GGCT: variants seen among roughly 807,000 people sequenced by gnomAD.
The protein encoded by GGCT is cytochrome c-releasing factor 21.
GGCT carries 20 observed loss-of-function variants against 22.1 expected under a neutral mutation model. The ratio of observed to expected loss-of-function variants is 0.91; its 90% CI spans 0.64 to 1.32. The LOEUF is 1.32. Among genes scored for constraint, GGCT ranks in the 40% most tolerant of loss-of-function variants. The probability of loss-of-function intolerance (pLI) is 0.00; values close to 1 mark genes in which losing one functional copy is unlikely to be tolerated. For missense variants in GGCT, 209 were observed against 223.5 expected (o/e 0.94, Z 0.41); for synonymous variants, 72 against 78.4 (o/e 0.92, Z 0.43).
In GGCT at chr7:30,500,720, T is replaced by C. The variant is rs116174507; in HGVS notation, c.142-39A>G. The C allele has an allele frequency of 7.0e-4, 1,090 of 1,564,690 alleles. 5 individuals carry two copies. In the African/African-American group the frequency reaches 0.013, roughly 18 times the overall value. ...CAAAGTGATATGATCAATATCCACT[T>C]GAATCCAAATTTCCCTCATCAAAAT... is the stretch of plus-strand genomic sequence containing the variant. On this transcript the variant is annotated intron_variant, in intron 1 of 3. Coordinates refer to ENST00000275428, the MANE Select transcript of GGCT (RefSeq NM_024051.4).
chr7:30,498,026 T>TATATACAC (rs68111355), intron 3 of GGCT: 1 of 219,398 alleles, frequency 4.6e-6, no homozygotes, highest in African/African-American at 2.3e-5. Context: ...TATATATAGA[T>TATATACAC]ACACACACAC....
chr7:30,504,516 C>G (rs918768857), intron 1 of GGCT, 53 bp downstream of exon 1: 3 of 1,602,338 alleles, frequency 1.9e-6, no homozygotes, highest in Non-Finnish European at 1.7e-6. Flanking sequence ...CCCGAGGAAG[C>G]GCCTTCTGGG....
chr7:30,500,883 T>G (rs1260160951), intron 1 of GGCT, among the ~76,000 whole-genome samples: 1 of 152,238 alleles, frequency 6.6e-6, no homozygotes, highest in African/African-American at 2.4e-5. Flanking sequence ...TAAATATTTT[T>G]CTTTAAAAAT....
At position 30,496,887 on chromosome 7, in the gene GGCT, C is replaced by A; in HGVS notation, c.*205G>T. The A allele has an allele frequency of 2.7e-6, 1 of 366,758 alleles. No individual in the cohort carries two copies. The highest frequency in any genetic ancestry group is 8.0e-5 in the South Asian group (1 of 12,476). The allele number at this position is 366,758 out of a possible 1,614,324, so 22.7% of individuals were successfully genotyped here. A position where few individuals can be genotyped will look rare whatever the true frequency, so the allele number is the denominator to read the frequency against. ...ACATTCATTTGTCACATATTTCAGG[C>A]CCTCATACACCCCTTTTAAATTGTC... On this transcript the variant is annotated 3_prime_UTR_variant, in exon 4 of 4. Coordinates refer to ENST00000275428, the MANE Select transcript of GGCT (RefSeq NM_024051.4).
chr7:30,497,574 TAC>T, intron 3 of GGCT: 2 of 412,108 alleles, frequency 4.9e-6, no homozygotes, highest in Non-Finnish European at 8.4e-6. Flanking sequence ...ATTTAAAGTT[TAC>T]AGAGAGCAGT....
At chr7:30,503,692 G>A (rs1224749129) in intron 1 of GGCT, among the ~76,000 whole-genome samples, 1 of 151,452 alleles carries the variant, frequency 6.6e-6, no homozygotes, top group Non-Finnish European at 1.5e-5. Flanking sequence ...CAGTTGCTGT[G>A]CCTCCCTTTA....
intron 1 of GGCT, among the ~76,000 whole-genome samples, chr7:30,504,024 G>C (rs914850387): frequency 5.3e-5 from 8 of 152,066 alleles, no homozygotes; most frequent in Middle Eastern, 3.2e-3. Flanking sequence ...TGAATGAATG[G>C]ACTGGGCTGA....
At chr7:30,500,437 G>A (rs913746362) in intron 2 of GGCT, 99 bp downstream of exon 2, 1 of 864,840 alleles carries the variant, frequency 1.2e-6, no homozygotes, top group African/African-American at 1.7e-5. Context: ...TATGTCTGTA[G>A]TATGTGGTTT....
intron 1 of GGCT, among the ~76,000 whole-genome samples, 187 bp from the exon 2 acceptor site, chr7:30,500,868 T>G (rs1789686540): frequency 6.6e-6 from 1 of 152,244 alleles, no homozygotes; most frequent in African/African-American, 2.4e-5. Flanking sequence ...AAGGATTACG[T>G]TTTTTAAATA....
Position 30,504,741 on chromosome 7 carries a change from G to C in GGCT, c.-32C>G, listed in dbSNP as rs374064472. 1.9e-6 allele frequency: 3 copies of C among 1,612,004 alleles called. No individual in the cohort carries two copies. In the African/African-American group the frequency reaches 4.0e-5, roughly 22 times the overall value. On this transcript the variant is annotated 5_prime_UTR_variant, in exon 1 of 4. Coordinates refer to ENST00000275428, the MANE Select transcript of GGCT (RefSeq NM_024051.4). ...CTACGCCCCTGCACTGGAGCCTGAA[G>C]CAGAGTGTAAGGAACGGCCAGAGAG...
At chr7:30,500,982 T>C (rs1789688633) in intron 1 of GGCT, among the ~76,000 whole-genome samples, 1 of 152,212 alleles carries the variant, frequency 6.6e-6, no homozygotes, top group Non-Finnish European at 1.5e-5. Context: ...CTGAACACAA[T>C]TGTTTTCATT....
intron 1 of GGCT, among the ~76,000 whole-genome samples, chr7:30,504,002 A>C (rs1458532358): frequency 6.6e-6 from 1 of 152,134 alleles, no homozygotes; most frequent in East Asian, 1.9e-4. Flanking sequence ...TGCCGGAAGA[A>C]TATGTACTAA....
intron 1 of GGCT, among the ~76,000 whole-genome samples, 178 bp downstream of exon 1, chr7:30,504,391 C>G (rs748809835): frequency 6.6e-6 from 1 of 152,226 alleles, no homozygotes; most frequent in African/African-American, 2.4e-5. Flanking sequence ...GTGGCCCGGG[C>G]AGGGCCGGGC....
intron 3 of GGCT, chr7:30,497,968 T>C (rs1350426601): frequency 3.0e-5 from 19 of 624,268 alleles, no homozygotes; most frequent in Non-Finnish European, 4.2e-5. Context: ...TTGGTATTCA[T>C]AAAATACTGT....
At chr7:30,501,650 CAA>C (rs1789706507) in intron 1 of GGCT, among the ~76,000 whole-genome samples, 1 of 152,062 alleles carries the variant, frequency 6.6e-6, no homozygotes, top group Non-Finnish European at 1.5e-5. Context: ...AAAAACAAAA[CAA>C]ATAAAATACA....
intron 3 of GGCT, chr7:30,498,026 T>TATATATATATATAC (rs68111355): frequency 4.5e-4 from 98 of 219,500 alleles, no homozygotes; most frequent in Non-Finnish European, 6.6e-4. Flanking sequence ...TATATATAGA[T>TATATATATATATAC]ACACACACAC....
chr7:30,498,080 AAG>A (rs748224520), intron 3 of GGCT, among the ~76,000 whole-genome samples: 3 of 146,864 alleles, frequency 2.0e-5, no homozygotes, highest in South Asian at 2.1e-4. Context: ...TAGAAAGAGA[AAG>A]AGAGAGAGAC....
At position 30,497,268 on chromosome 7, in the gene GGCT, C is replaced by A. The variant is rs1277978898; in HGVS notation, c.424-33G>T. 4.5e-6 allele frequency: 7 copies of A among 1,549,620 alleles called. No individual in the cohort carries two copies. The Admixed American group carries it at 7.8e-5, about 17-fold the overall frequency. ...TGGTTAAAACAAACAGACAAAAAAA[C>A]CCTTTCAGTTAGGAATATAATTTAA... On this transcript the variant is annotated intron_variant, in intron 3 of 3. Coordinates refer to ENST00000275428, the MANE Select transcript of GGCT (RefSeq NM_024051.4).
rs755180918 is a variant in GGCT, at chr7:30,500,618, C to G, written c.205G>C (p.Ala69Pro). 6.2e-7 allele frequency: 1 copy of G among 1,613,162 alleles called. No homozygotes were observed. The highest frequency in any genetic ancestry group is 1.1e-5 in the South Asian group (1 of 91,056). The change falls in exon 2 of 4, where the codon GCC becomes CCC. Residue 69 changes from alanine (A) to proline (P), a missense_variant. Transcript: ENST00000275428. ...KTSQTWHGGI[A>P]TIFQSPGDEV... Reference sequence around the variant, plus strand: ...TCGCCAGGACTCTGAAAAATGGTGGCTATCCCTCCATGCCAAGTTTGACTT... The same window carrying G: ...TCGCCAGGACTCTGAAAAATGGTGGGTATCCCTCCATGCCAAGTTTGACTT...
Sources: gnomAD v4.1 joint callset for allele counts (sites outside exome capture counted in the v4.1 genomes callset) on GRCh38, gnomAD v4.1.1 for gene constraint, MANE v1.5 for transcripts, NCBI Gene and HGNC (gene_info 2026-07-23, HGNC 2026-07-21) for gene names.